The following PIK3CA variants were observed in gnomAD, a reference collection of about 807,000 sequenced individuals.
PIK3CA encodes the protein phosphatidylinositol-4,5-bisphosphate 3-kinase catalytic subunit alpha, also known as phosphatidylinositol 4,5-bisphosphate 3-kinase catalytic subunit alpha isoform.
In PIK3CA, 27 loss-of-function variants were observed where a neutral mutation model predicts 138.2. The ratio of observed to expected loss-of-function variants is 0.20; its 90% CI spans 0.14 to 0.27. The LOEUF is 0.27. Ranked by LOEUF, PIK3CA falls within the 10% of genes least tolerant of loss-of-function variation. The probability of loss-of-function intolerance (pLI) is 1.00; values close to 1 mark genes in which losing one functional copy is unlikely to be tolerated. For missense variants in PIK3CA, 544 were observed against 1,277.4 expected (o/e 0.43, Z 8.75); for synonymous variants, 358 against 413.2 (o/e 0.87, Z 1.62).
chr3:179,228,509 C>T (rs1725135673), intron 17 of PIK3CA, among the ~76,000 whole-genome samples: 1 of 152,042 alleles, frequency 6.6e-6, no homozygotes, highest in Non-Finnish European at 1.5e-5. Flanking sequence ...TCACAATTAT[C>T]TGAAAAGTCT....
At position 179,209,606 on chromosome 3, in the gene PIK3CA, G is replaced by T. The variant is rs2108399128; in HGVS notation, c.1157G>T (p.Trp386Leu). 6.3e-7 allele frequency: 1 copy of T among 1,596,256 alleles called. No individual in the cohort carries two copies. Among genetic ancestry groups the T allele is most frequent in the East Asian group, 2.3e-5 (1 of 44,398 alleles). The change falls in exon 7 of 21, where the codon TGG becomes TTG. Residue 386 changes from tryptophan to leucine, a missense_variant. By Grantham distance (61) the Trp-to-Leu change is moderately conservative. Coordinates refer to ENST00000263967, the MANE Select transcript of PIK3CA (RefSeq NM_006218.4). The part of the protein sequence containing the change: ...VPCSNPRWNE[W>L]LNYDIYIPDL... ...AAAATTTTACATAGGTGGAATGAAT[G>T]GCTGAATTATGATATATACATTCCT...
At chr3:179,190,966 A>G (rs532080763) in intron 1 of PIK3CA, among the ~76,000 whole-genome samples, 2 of 152,318 alleles carry the variant, frequency 1.3e-5, no homozygotes, top group South Asian at 4.1e-4. Flanking sequence ...AGTAGCCCTC[A>G]GAAGAATAGG....
intron 6 of PIK3CA, among the ~76,000 whole-genome samples, chr3:179,205,156 G>A (rs139819370): frequency 6.6e-6 from 1 of 151,582 alleles, no homozygotes; most frequent in Non-Finnish European, 1.5e-5. Flanking sequence ...CCAGGCTGCA[G>A]TCAGCTATGA....
At chr3:179,232,414 G>T (rs1053138489) in intron 20 of PIK3CA, among the ~76,000 whole-genome samples, 2 of 152,080 alleles carry the variant, frequency 1.3e-5, no homozygotes, top group South Asian at 4.1e-4. Flanking sequence ...TCAGTTCGTT[G>T]TAAGTTTTTG....
chr3:179,153,868 C>T (rs1442747759), intron 1 of PIK3CA, among the ~76,000 whole-genome samples: 3 of 152,096 alleles, frequency 2.0e-5, no homozygotes. Flanking sequence ...AAATATGAGG[C>T]AATATATAGT....
chr3:179,210,378 C>T (rs2108400975), intron 8 of PIK3CA, 40 bp downstream of exon 8: 1 of 1,579,986 alleles, frequency 6.3e-7, no homozygotes, highest in Non-Finnish European at 8.6e-7. Context: ...TTTTTTATGG[C>T]AGTCAAACCT....
chr3:179,194,653 A>G (rs1017531506), intron 1 of PIK3CA, among the ~76,000 whole-genome samples: 1 of 152,190 alleles, frequency 6.6e-6, no homozygotes, highest in Non-Finnish European at 1.5e-5. Context: ...TTTAGACTCA[A>G]GTAATGAAAA....
intron 20 of PIK3CA, among the ~76,000 whole-genome samples, chr3:179,233,016 C>T (rs1725249076): frequency 6.6e-6 from 1 of 152,040 alleles, no homozygotes; most frequent in Admixed American, 6.6e-5. Context: ...CACCACCATG[C>T]TCAGCTAATT....
At chr3:179,153,893 T>A (rs1325546198) in intron 1 of PIK3CA, among the ~76,000 whole-genome samples, 1 of 152,200 alleles carries the variant, frequency 6.6e-6, no homozygotes, top group Non-Finnish European at 1.5e-5. Context: ...GTCTGAGGAT[T>A]CAGCTTCAAG....
chr3:179,203,903 C>T (rs1724488941), intron 5 of PIK3CA, 114 bp downstream of exon 5: 1 of 690,972 alleles, frequency 1.4e-6, no homozygotes, highest in Admixed American at 2.9e-5. Context: ...GTTAGGAGAA[C>T]ATCCAAATCT....
chr3:179,204,558 ACACT>A lies in PIK3CA; in HGVS notation c.1118_1121del (p.Thr373LysfsTer14), dbSNP rs1724507254. The A allele has an allele frequency of 6.3e-7, 1 of 1,579,724 alleles. No homozygotes were observed. Among genetic ancestry groups the A allele is most frequent in the Admixed American group, 1.7e-5 (1 of 59,960 alleles). Reference sequence around the variant, plus strand: ...GGAGAACCCTTATGTGACAATGTGAACACTCAAAGAGTACCTTGTTCCAATCCCA... The same window carrying A: ...GGAGAACCCTTATGTGACAATGTGAACAAAGAGTACCTTGTTCCAATCCCA... On this transcript the variant is annotated frameshift_variant, in exon 6 of 21. Transcript: ENST00000263967. LOFTEE classifies it high-confidence loss of function.
chr3:179,156,565 C>T (rs537063095), intron 1 of PIK3CA, among the ~76,000 whole-genome samples: 1 of 152,270 alleles, frequency 6.6e-6, no homozygotes, highest in South Asian at 2.1e-4. Context: ...GGTCTATCCT[C>T]AGTTGTGCAG....
chr3:179,195,708 A>G (rs1724250648), intron 1 of PIK3CA, among the ~76,000 whole-genome samples: 1 of 152,172 alleles, frequency 6.6e-6, no homozygotes, highest in Admixed American at 6.5e-5. Context: ...CCTGGATTCA[A>G]AATCCATTTA....
intron 1 of PIK3CA, among the ~76,000 whole-genome samples, chr3:179,175,815 C>T (rs1455935569): frequency 6.6e-6 from 1 of 151,762 alleles, no homozygotes; most frequent in Non-Finnish European, 1.5e-5. Flanking sequence ...TCTGTCCCAT[C>T]ATTCTCTGTT....
At chr3:179,206,086 C>CTTTTT (rs751353057) in intron 6 of PIK3CA, among the ~76,000 whole-genome samples, 32 of 105,134 alleles carry the variant, frequency 3.0e-4, no homozygotes, top group Admixed American at 4.1e-4. Flanking sequence ...ACTTCAGGAT[C>CTTTTT]TTTTTTTTTT....
intron 1 of PIK3CA, among the ~76,000 whole-genome samples, chr3:179,149,187 GGTT>G (rs1280264401): frequency 1.3e-5 from 2 of 152,162 alleles, no homozygotes; most frequent in South Asian, 2.1e-4. Flanking sequence ...TTCCTTTCGA[GGTT>G]GTTTTTTCCT....
rs373901635 is a variant in PIK3CA at position 179,201,609 on chromosome 3, A to ATTTTTTTT, written c.813+78_813+85dup. The ATTTTTTTT allele has an allele frequency of 4.4e-3, 3,374 of 761,764 alleles. 8 individuals are homozygous for ATTTTTTTT. The highest frequency in any genetic ancestry group is 6.4e-3 in the South Asian group (294 of 45,846). 47.2% of individuals were successfully genotyped at this position (761,764 alleles called of 1,614,324 possible). ...AATCACATTGAGGATGAGTATCTGT[A>ATTTTTTTT]TTTTTTTTTTTTTTTTGAGACGGAA... On this transcript the variant is annotated intron_variant, in intron 4 of 20. Transcript: ENST00000263967.
chr3:179,172,272 A>C (rs997380373), intron 1 of PIK3CA, among the ~76,000 whole-genome samples: 2 of 152,154 alleles, frequency 1.3e-5, no homozygotes, highest in African/African-American at 4.8e-5. Flanking sequence ...GAAAAAAAAA[A>C]TCATACTTCA....
chr3:179,180,834 C>T (rs1032496637), intron 1 of PIK3CA, among the ~76,000 whole-genome samples: 3 of 151,976 alleles, frequency 2.0e-5, no homozygotes, highest in African/African-American at 2.4e-5. Flanking sequence ...ATTTCTTTAC[C>T]TTTGTAACTT....
Sources: allele counts gnomAD v4.1 joint callset (sites outside exome capture counted in the v4.1 genomes callset), GRCh38; gene constraint gnomAD v4.1.1; transcripts MANE v1.5; gene names NCBI Gene and HGNC (gene_info 2026-07-23, HGNC 2026-07-21).